Variants in DLG2 observed in about 807,000 individuals in gnomAD.
The protein encoded by DLG2 is disks large homolog 2.
Under a neutral mutation model 132.5 loss-of-function variants are expected in DLG2, and 45 were observed. The observed-to-expected ratio is 0.34, with a 90% CI of 0.27 to 0.44. The LOEUF (loss-of-function observed/expected upper bound fraction) is 0.44. Among genes scored for constraint, DLG2 ranks in the 20% least tolerant of loss-of-function variants. The pLI, the probability that DLG2 is intolerant of heterozygous loss-of-function variation, is 1.00. For missense variants in DLG2, 1,045 were observed against 1,196.9 expected, an observed-to-expected ratio of 0.87 and a Z score of 1.87; for synonymous variants, 424 against 419.6, an observed-to-expected ratio of 1.01 and a Z score of -0.13.
intron 3 of DLG2, among the ~76,000 whole-genome samples, chr11:85,395,978 C>A (rs1458768601): frequency 1.3e-5 from 2 of 152,156 alleles, no homozygotes; most frequent in Non-Finnish European, 2.9e-5. Flanking sequence ...AGTCCCTGAC[C>A]CCTGTGTAGC....
intron 6 of DLG2, among the ~76,000 whole-genome samples, chr11:84,920,303 C>T (rs143954202): frequency 4.8e-4 from 73 of 152,290 alleles, no homozygotes; most frequent in African/African-American, 1.7e-3. Flanking sequence ...TAGCTCCATG[C>T]TTTTGCCACT....
At chr11:85,507,784 T>C (rs758890178) in intron 3 of DLG2, among the ~76,000 whole-genome samples, 17 of 152,284 alleles carry the variant, frequency 1.1e-4, no homozygotes, top group South Asian at 8.3e-4. Flanking sequence ...TTCTCCTGGA[T>C]ACTATCCTGC....
At chr11:84,223,694 C>T (rs1475876590) in intron 8 of DLG2, among the ~76,000 whole-genome samples, 1 of 151,824 alleles carries the variant, frequency 6.6e-6, no homozygotes, top group Non-Finnish European at 1.5e-5. Flanking sequence ...GTAGCTGGGA[C>T]TACAGGCGCA....
At chr11:83,771,013 T>G (rs969805654) in intron 18 of DLG2, among the ~76,000 whole-genome samples, 2 of 152,180 alleles carry the variant, frequency 1.3e-5, no homozygotes, top group African/African-American at 4.8e-5. Flanking sequence ...GTTGAAAACA[T>G]TTGATTTTCC....
chr11:84,663,711 T>C (rs2099697101), intron 6 of DLG2, among the ~76,000 whole-genome samples: 1 of 152,172 alleles, frequency 6.6e-6, no homozygotes, highest in Non-Finnish European at 1.5e-5. Context: ...AATTATATAG[T>C]CCAACACTAT....
chr11:85,340,510 G>A (rs1216468072), intron 3 of DLG2, among the ~76,000 whole-genome samples: 1 of 152,102 alleles, frequency 6.6e-6, no homozygotes, highest in East Asian at 1.9e-4. Context: ...GCTGGGGGAG[G>A]GATAGCATTG....
chr11:83,517,532 G>T (rs1357136417), intron 21 of DLG2, among the ~76,000 whole-genome samples: 5 of 152,320 alleles, frequency 3.3e-5, no homozygotes, highest in Non-Finnish European at 1.5e-5. Context: ...ATCGAAGTCA[G>T]TCTCTGTCCA....
chr11:85,355,549 A>G (rs2083627561), intron 3 of DLG2, among the ~76,000 whole-genome samples: 1 of 152,180 alleles, frequency 6.6e-6, no homozygotes, highest in African/African-American at 2.4e-5. Context: ...TAGGTTTCTC[A>G]TAACAGCTTT....
intron 21 of DLG2, among the ~76,000 whole-genome samples, chr11:83,527,383 T>C (rs2095633719): frequency 6.6e-6 from 1 of 152,202 alleles, no homozygotes; most frequent in Admixed American, 6.6e-5. Context: ...TTTAAATCTA[T>C]AAAGAGGAAA....
intron 7 of DLG2, among the ~76,000 whole-genome samples, chr11:84,292,281 C>A (rs2098012646): frequency 6.6e-6 from 1 of 152,078 alleles, no homozygotes; most frequent in African/African-American, 2.4e-5. Context: ...CCTATAGTTA[C>A]CAGTGGAGAG....
At chr11:85,032,664 A>T (rs1254681738) in intron 6 of DLG2, among the ~76,000 whole-genome samples, 5 of 152,232 alleles carry the variant, frequency 3.3e-5, no homozygotes, top group Admixed American at 6.5e-5. Context: ...ATTCAGTGAT[A>T]AGAAGTAAAT....
At chr11:85,472,035 C>T (rs999817201) in intron 3 of DLG2, among the ~76,000 whole-genome samples, 1 of 152,130 alleles carries the variant, frequency 6.6e-6, no homozygotes, top group Admixed American at 6.5e-5. Flanking sequence ...GGGTGGGTCC[C>T]TGGTGAAACC....
chr11:85,590,568 T>C (rs2079248399), intron 3 of DLG2, among the ~76,000 whole-genome samples: 1 of 152,086 alleles, frequency 6.6e-6, no homozygotes, highest in South Asian at 2.1e-4. Flanking sequence ...TAGATATTAC[T>C]ACGCTATTTC....
intron 6 of DLG2, among the ~76,000 whole-genome samples, chr11:84,604,299 G>A (rs921579194): frequency 2.6e-5 from 4 of 151,896 alleles, no homozygotes; most frequent in African/African-American, 9.7e-5. Flanking sequence ...AAACTCAGGA[G>A]ATGAGAGAGA....
At chr11:84,512,600 A>G (rs2099260033) in intron 7 of DLG2, among the ~76,000 whole-genome samples, 1 of 152,150 alleles carries the variant, frequency 6.6e-6, no homozygotes. Context: ...AACATAAAAA[A>G]GACAGGATCC....
At chr11:84,235,774 G>C (rs1027910028) in intron 8 of DLG2, among the ~76,000 whole-genome samples, 4 of 151,948 alleles carry the variant, frequency 2.6e-5, no homozygotes, top group Non-Finnish European at 4.4e-5. Flanking sequence ...GAGAGGCAGG[G>C]TAGTATAATG....
chr11:85,399,588 G>T (rs1195768076), intron 3 of DLG2, among the ~76,000 whole-genome samples: 1 of 152,062 alleles, frequency 6.6e-6, no homozygotes, highest in Non-Finnish European at 1.5e-5. Flanking sequence ...CAGACATATA[G>T]ATCAATGGAA....
chr11:84,674,908 A>G (rs1481971300), intron 6 of DLG2, among the ~76,000 whole-genome samples: 2 of 152,112 alleles, frequency 1.3e-5, no homozygotes, highest in African/African-American at 4.8e-5. Flanking sequence ...CCCATTTGTT[A>G]ATGACTTTTT....
chr11:85,419,163 A>G (rs758449725), intron 3 of DLG2, among the ~76,000 whole-genome samples: 1 of 152,058 alleles, frequency 6.6e-6, no homozygotes, highest in African/African-American at 2.4e-5. Flanking sequence ...AAGAAATTCT[A>G]TTTCTCCTTC....
Sources: gnomAD v4.1 joint callset for allele counts (sites outside exome capture counted in the v4.1 genomes callset) on GRCh38, gnomAD v4.1.1 for gene constraint, MANE v1.5 for transcripts, NCBI Gene and HGNC (gene_info 2026-07-23, HGNC 2026-07-21) for gene names.